Variants in FYN observed in about 807,000 individuals in gnomAD.
FYN encodes FYN proto-oncogene, Src family tyrosine kinase, also known as tyrosine-protein kinase Fyn.
In FYN, 10 loss-of-function variants were observed where a neutral mutation model predicts 70.2. The ratio of observed to expected loss-of-function variants is 0.14; its 90% CI spans 0.09 to 0.24. FYN has a LOEUF of 0.24. Ranked by LOEUF, FYN falls within the 10% of genes least tolerant of loss-of-function variation. The probability of loss-of-function intolerance (pLI) is 1.00; values close to 1 mark genes in which losing one functional copy is unlikely to be tolerated. For synonymous variants in FYN, 236 were observed against 248.6 expected (o/e 0.95, Z 0.48); for missense variants, 319 against 673.1 (o/e 0.47, Z 5.82).
rs538711257 is a variant in FYN at position 111,745,517 on chromosome 6, A to G, written c.-11-25455T>C. Among the ~76,000 whole-genome samples the G allele has an allele frequency of 4.6e-5, 7 of 152,264 alleles. No homozygotes were observed. In the South Asian group the frequency reaches 1.4e-3, roughly 31 times the overall value. Reference sequence around the variant, plus strand: ...CAAAGGCATGGATTCAGGAGAGAGGAGCATGCCAGGGAGCAGCTTTGTTTG... The same window carrying G: ...CAAAGGCATGGATTCAGGAGAGAGGGGCATGCCAGGGAGCAGCTTTGTTTG... On this transcript the variant is annotated intron_variant, in intron 3 of 13. Coordinates refer to ENST00000354650, the MANE Select transcript of FYN (RefSeq NM_002037.5).
At chr6:111,820,949 A>G (rs1772638728) in intron 2 of FYN, among the ~76,000 whole-genome samples, 1 of 152,160 alleles carries the variant, frequency 6.6e-6, no homozygotes. Context: ...TCAGGAAAAG[A>G]CAACTATCCA....
At chr6:111,796,060 AT>A (rs955664587) in intron 2 of FYN, among the ~76,000 whole-genome samples, 1 of 152,162 alleles carries the variant, frequency 6.6e-6, no homozygotes, top group Non-Finnish European at 1.5e-5. Flanking sequence ...CTCTATCACT[AT>A]TTTTTTCAGT....
intron 2 of FYN, among the ~76,000 whole-genome samples, chr6:111,815,968 G>A (rs1049912265): frequency 7.2e-5 from 11 of 152,082 alleles, no homozygotes; most frequent in Non-Finnish European, 1.6e-4. Context: ...CCAAAGTGCT[G>A]GGATAACAAG....
chr6:111,673,333 A>C (rs955379453), intron 13 of FYN, among the ~76,000 whole-genome samples: 1 of 152,074 alleles, frequency 6.6e-6, no homozygotes, highest in Non-Finnish European at 1.5e-5. Flanking sequence ...CCGCATCTCT[A>C]AACGCCCAGT....
At chr6:111,783,581 G>C (rs1771254634) in intron 2 of FYN, among the ~76,000 whole-genome samples, 1 of 152,214 alleles carries the variant, frequency 6.6e-6, no homozygotes, top group African/African-American at 2.4e-5. Context: ...TTTCGTGAGT[G>C]CTCCCACGTA....
chr6:111,702,574 C>T (rs554047543), intron 8 of FYN: 11 of 221,578 alleles, frequency 5.0e-5, no homozygotes, highest in South Asian at 1.7e-4. Context: ...ACATGCAACG[C>T]GGGGAATGGG....
chr6:111,816,258 TTATCTTTGAGTTAAATA>T (rs1479227603), intron 2 of FYN, among the ~76,000 whole-genome samples: 1 of 152,116 alleles, frequency 6.6e-6, no homozygotes, highest in East Asian at 1.9e-4. Context: ...ACTCAAAGGG[TTATCTTTGAGTTAAATA>T]TATCTTTGAA....
chr6:111,705,940 G>A (rs1400111494), intron 6 of FYN, among the ~76,000 whole-genome samples: 2 of 152,158 alleles, frequency 1.3e-5, no homozygotes, highest in African/African-American at 4.8e-5. Flanking sequence ...GAGCCATCAC[G>A]GTGGACCCTG....
intron 1 of FYN, among the ~76,000 whole-genome samples, chr6:111,856,857 G>A (rs142314875): frequency 4.0e-4 from 61 of 152,060 alleles, no homozygotes; most frequent in South Asian, 8.3e-4. Context: ...AGGCAACTCC[G>A]CACCTCACCC....
intron 2 of FYN, among the ~76,000 whole-genome samples, chr6:111,830,660 G>A (rs935008756): frequency 7.9e-5 from 12 of 152,096 alleles, no homozygotes; most frequent in African/African-American, 2.7e-4. Flanking sequence ...CAATATACTA[G>A]ATGCATGGAG....
intron 3 of FYN, among the ~76,000 whole-genome samples, chr6:111,749,194 G>A (rs1050119867): frequency 2.6e-5 from 4 of 152,162 alleles, no homozygotes; most frequent in Admixed American, 2.0e-4. Context: ...AATCATGAGT[G>A]AAGGTGAACT....
chr6:111,821,700 C>G (rs1213324541), intron 2 of FYN, among the ~76,000 whole-genome samples: 1 of 152,048 alleles, frequency 6.6e-6, no homozygotes, highest in Non-Finnish European at 1.5e-5. Flanking sequence ...AACGGGCAAC[C>G]TACAGAATGG....
chr6:111,837,464 GA>G (rs1216767541), intron 2 of FYN, among the ~76,000 whole-genome samples: 1 of 152,104 alleles, frequency 6.6e-6, no homozygotes. Flanking sequence ...CACAGCAACA[GA>G]AAAAACAATA....
At chr6:111,701,225 T>C (rs1322788344) in intron 8 of FYN, among the ~76,000 whole-genome samples, 1 of 152,154 alleles carries the variant, frequency 6.6e-6, no homozygotes, top group Non-Finnish European at 1.5e-5. Context: ...AATCTGGCAG[T>C]GCTAAGGGGA....
At chr6:111,813,616 C>T (rs1583465345) in intron 2 of FYN, among the ~76,000 whole-genome samples, 1 of 152,236 alleles carries the variant, frequency 6.6e-6, no homozygotes, top group East Asian at 1.9e-4. Context: ...GACTCCACAC[C>T]ATAATGAGAA....
rs1307697711 is a variant in FYN at position 111,661,904 on chromosome 6, G to A, written c.1449C>T (p.Tyr483=). Residue 483 remains tyrosine, a synonymous_variant, in exon 14 of 14, where the codon TAC becomes TAT. Coordinates refer to ENST00000354650, the MANE Select transcript of FYN (RefSeq NM_002037.5). This position sits in a 1 kb window ranked among gnomAD's most constrained non-coding sequence, Gnocchi z 4.0. ...GGCAGTCCTGCGGGCAGGGCATCCT[G>A]TAGCCTCGCTCCACCTGCTCCAGCA... is the stretch of plus-strand genomic sequence containing the variant. ...REVLEQVERG[Y]RMPCPQDCPI... 1 of 1,614,012 alleles carries A rather than the reference G, an allele frequency of 6.2e-7. No homozygotes were observed. Among genetic ancestry groups the A allele is most frequent in the Non-Finnish European group, 8.5e-7 (1 of 1,179,922 alleles).
In FYN at chr6:111,661,963, C is replaced by T. The variant is rs201369382; in HGVS notation, c.1406-16G>A. 1.9e-6 allele frequency: 3 copies of T among 1,586,064 alleles called. No individual in the cohort carries two copies. The highest frequency in any genetic ancestry group is 2.6e-6 in the Non-Finnish European group (3 of 1,164,156). On this transcript the variant is annotated splice_polypyrimidine_tract_variant and intron_variant, in intron 13 of 13. Transcript: ENST00000354650. The surrounding 1 kb of genome is among the most constrained non-coding windows in gnomAD (Gnocchi z 4.0). ...TTGTTCATGCCTGCAAAGACAAGCG[C>T]AGTGAGAGTGGGCACCCCGGGGATC... is the stretch of plus-strand genomic sequence containing the variant.
At chr6:111,699,755 C>A in intron 9 of FYN, 3 of 1,306,754 alleles carry the variant, frequency 2.3e-6, no homozygotes, top group Non-Finnish European at 2.1e-6. Context: ...AGGTGACTTG[C>A]CCGTTAGGAT....
chr6:111,837,240 T>C (rs62413715), intron 2 of FYN, among the ~76,000 whole-genome samples: 6,639 of 152,316 alleles, frequency 0.044, 304 homozygotes, highest in African/African-American at 0.12. Context: ...AGCGGCACTT[T>C]GATGTACATC....
Sources: allele counts gnomAD v4.1 joint callset (sites outside exome capture counted in the v4.1 genomes callset), GRCh38; gene constraint gnomAD v4.1.1; non-coding constraint Gnocchi (gnomAD v3.1); transcripts MANE v1.5; gene names NCBI Gene and HGNC (gene_info 2026-07-23, HGNC 2026-07-21).